Variants in PDE4D observed in about 807,000 individuals in gnomAD.
The protein encoded by PDE4D is phosphodiesterase 4D, also known as 3',5'-cyclic-AMP phosphodiesterase 4D.
A neutral mutation model predicts 87.4 loss-of-function variants in PDE4D; 24 were observed. The observed-to-expected ratio is 0.27, with a 90% confidence interval of 0.20 to 0.39. PDE4D has a LOEUF of 0.39. PDE4D is among the 10% of genes least tolerant of loss of function. The pLI is 1.00. For missense variants in PDE4D, 714 were observed against 1,041.0 expected (o/e 0.69, Z 4.32); for synonymous variants, 384 against 383.2 (o/e 1.00, Z -0.02).
chr5:58,995,210 T>C (rs1748932022), intron 6 of PDE4D, among the ~76,000 whole-genome samples: 2 of 152,064 alleles, frequency 1.3e-5, no homozygotes, highest in Admixed American at 6.6e-5. Context: ...ACATGTGCTA[T>C]AGAAAATGTA....
chr5:59,390,507 G>T (rs981509821), intron 1 of PDE4D, among the ~76,000 whole-genome samples: 6 of 152,032 alleles, frequency 3.9e-5, no homozygotes, highest in Non-Finnish European at 8.8e-5. Context: ...TTGCACAGTG[G>T]ATTTATAAAC....
intron 2 of PDE4D, among the ~76,000 whole-genome samples, chr5:60,063,140 AAG>A (rs1771648736): frequency 1.3e-5 from 2 of 151,172 alleles, no homozygotes; most frequent in Admixed American, 6.6e-5. Flanking sequence ...GAAAGAAAGA[AAG>A]AAAGAAAGAA....
rs549474560 is a variant in PDE4D at position 58,972,129 on chromosome 5, T to C, written c.*2535A>G. On this transcript the variant is annotated 3_prime_UTR_variant, in exon 15 of 15. Transcript: ENST00000340635. The stretch of plus-strand genomic sequence containing the variant: ...TATTCATTATTAAGATTCTAGGCAC[T>C]CTGTGGGGGAAATACTAAGTGTAGG... 2.0e-5 allele frequency: 3 copies of C among 152,542 alleles called. No homozygotes were observed. In the South Asian group the frequency reaches 6.2e-4, roughly 32 times the overall value. 9.4% of individuals were successfully genotyped at this position (152,542 alleles called of 1,614,324 possible). A position where few individuals can be genotyped will look rare whatever the true frequency, so the allele number is the denominator to read the frequency against.
intron 1 of PDE4D, among the ~76,000 whole-genome samples, chr5:59,327,132 T>TACACACACACACAC (rs3061651): frequency 1.4e-4 from 20 of 141,850 alleles, no homozygotes; most frequent in Admixed American, 1.3e-3. Context: ...GAAACAGAAA[T>TACACACACACACAC]ACACACACAC....
rs1244111358 is a variant in PDE4D at position 59,719,302 on chromosome 5, G to A, written c.455+173866C>T. Among the ~76,000 whole-genome samples, 7 of 152,124 alleles carry A rather than the reference G, an allele frequency of 4.6e-5. No homozygotes were observed. The East Asian group carries it at 1.2e-3, about 25-fold the overall frequency. On this transcript the variant is annotated intron_variant, in intron 1 of 14. Coordinates refer to ENST00000340635, the MANE Select transcript of PDE4D (RefSeq NM_001104631.2). The stretch of plus-strand genomic sequence containing the variant: ...TTCAAGCTACCAATGTGATGGCCCT[G>A]AATGTGGAGTTGGGAAGAGATTTGT...
At chr5:59,406,340 T>C (rs753098646) in intron 1 of PDE4D, among the ~76,000 whole-genome samples, 4 of 151,404 alleles carry the variant, frequency 2.6e-5, no homozygotes, top group African/African-American at 7.3e-5. Flanking sequence ...TAATGATCCT[T>C]TGAATTTCTG....
At chr5:59,838,355 C>T (rs1484709292) in intron 1 of PDE4D, among the ~76,000 whole-genome samples, 1 of 152,048 alleles carries the variant, frequency 6.6e-6, no homozygotes, top group Non-Finnish European at 1.5e-5. Flanking sequence ...GTTAAGAGAC[C>T]TGCCAAATTT....
intron 1 of PDE4D, among the ~76,000 whole-genome samples, chr5:60,304,651 C>CAA (rs70975379): frequency 0.017 from 1,017 of 58,868 alleles, 50 homozygotes; most frequent in African/African-American, 0.059. Context: ...GACTCCGTCT[C>CAA]AAAAAAAAAA....
chr5:59,148,934 A>G (rs1170422694), intron 5 of PDE4D, among the ~76,000 whole-genome samples: 1 of 152,138 alleles, frequency 6.6e-6, no homozygotes, highest in African/African-American at 2.4e-5. Context: ...GCTGACGGAC[A>G]TTAGGCTGCG....
intron 1 of PDE4D, among the ~76,000 whole-genome samples, chr5:59,292,016 A>T (rs1157811890): frequency 1.3e-5 from 2 of 152,072 alleles, no homozygotes; most frequent in African/African-American, 4.8e-5. Context: ...GTGCTTGGCA[A>T]AAGTTGCTTT....
At chr5:60,174,677 T>C (rs1001733752) in intron 2 of PDE4D, among the ~76,000 whole-genome samples, 7 of 152,150 alleles carry the variant, frequency 4.6e-5, no homozygotes, top group Non-Finnish European at 1.0e-4. Flanking sequence ...TTATTGGGCA[T>C]AGAATTCTGG....
rs72501339 is a variant in PDE4D, at chr5:59,498,512, G to A, written c.456-282544C>T. Among the ~76,000 whole-genome samples, 795 of 151,776 alleles carry A rather than the reference G, an allele frequency of 5.2e-3. 43 individuals are homozygous for A. In the East Asian group the frequency reaches 0.13, roughly 24 times the overall value. ...AAGTGGCAAATTAGACTAAAAACAA[G>A]TCTAACTTCAAGATACCCATTTCAC... On this transcript the variant is annotated intron_variant, in intron 1 of 14. Transcript: ENST00000340635.
At chr5:59,301,751 T>C (rs1192147838) in intron 1 of PDE4D, among the ~76,000 whole-genome samples, 1 of 151,872 alleles carries the variant, frequency 6.6e-6, no homozygotes, top group Non-Finnish European at 1.5e-5. Context: ...CTTAGGCAGA[T>C]AGGCAGATAT....
At chr5:60,285,601 C>CA (rs1467486539) in intron 1 of PDE4D, among the ~76,000 whole-genome samples, 2 of 151,820 alleles carry the variant, frequency 1.3e-5, no homozygotes, top group African/African-American at 4.8e-5. Flanking sequence ...AATGAAATTT[C>CA]AAAAAAATCA....
intron 2 of PDE4D, among the ~76,000 whole-genome samples, chr5:60,051,640 G>A (rs184876980): frequency 2.6e-5 from 4 of 152,102 alleles, no homozygotes; most frequent in African/African-American, 9.6e-5. Flanking sequence ...AAAGAAGCAA[G>A]AGCAAACAAA....
In PDE4D at chr5:59,644,654, A is replaced by C. The variant is rs923841362; in HGVS notation, c.455+248514T>G. 2.0e-5 allele frequency among the ~76,000 whole-genome samples: 3 copies of C among 152,332 alleles called. No individual in the cohort carries two copies. The East Asian group carries it at 5.8e-4, about 29-fold the overall frequency. On this transcript the variant is annotated intron_variant, in intron 1 of 14. Transcript: ENST00000340635. ...ACATTTATTTCAGGCTTTCAGGTGA[A>C]ATACCCTGCCTATTTGAGCTTACAA...
intron 1 of PDE4D, among the ~76,000 whole-genome samples, chr5:60,314,954 C>T (rs1244109034): frequency 6.6e-6 from 1 of 152,176 alleles, no homozygotes; most frequent in South Asian, 2.1e-4. Flanking sequence ...CATACGTGTG[C>T]ATGTGTCTTT....
chr5:59,313,748 A>G (rs1773145793), intron 1 of PDE4D, among the ~76,000 whole-genome samples: 1 of 152,138 alleles, frequency 6.6e-6, no homozygotes, highest in African/African-American at 2.4e-5. Flanking sequence ...CAGACCCTCT[A>G]ACAACCAACT....
intron 2 of PDE4D, among the ~76,000 whole-genome samples, chr5:60,117,489 C>A (rs1333562124): frequency 3.3e-5 from 5 of 152,054 alleles, no homozygotes; most frequent in Non-Finnish European, 7.4e-5. Context: ...TATTAGACTA[C>A]AATCTATAAA....
Sources: allele counts gnomAD v4.1 joint callset (sites outside exome capture counted in the v4.1 genomes callset), GRCh38; gene constraint gnomAD v4.1.1; transcripts MANE v1.5; gene names NCBI Gene and HGNC (gene_info 2026-07-23, HGNC 2026-07-21).